Variants in WWOX observed in about 807,000 individuals in gnomAD.
WWOX encodes the protein WW domain containing oxidoreductase.
In WWOX, 69 loss-of-function variants were observed where a neutral mutation model predicts 46.2. The observed-to-expected ratio is 1.49, with a 90% CI of 1.23 to 1.82. WWOX has a LOEUF of 1.82. Among genes scored for constraint, WWOX ranks in the 40% most tolerant of loss-of-function variants. The pLI, the probability that WWOX is intolerant of heterozygous loss-of-function variation, is 0.00. For missense variants in WWOX, 919 were observed against 542.6 expected (o/e 1.69, Z -6.89); for synonymous variants, 359 against 202.6 (o/e 1.77, Z -6.56).
chr16:79,161,542 G>A (rs1446709213), intron 8 of WWOX, among the ~76,000 whole-genome samples: 1 of 152,088 alleles, frequency 6.6e-6, no homozygotes, highest in African/African-American at 2.4e-5. Context: ...ATTGTTTTCA[G>A]GACAGGGTCT....
chr16:78,539,122 C>G (rs1042132158), intron 8 of WWOX, among the ~76,000 whole-genome samples: 1 of 152,206 alleles, frequency 6.6e-6, no homozygotes, highest in South Asian at 2.1e-4. Flanking sequence ...GCCTGCCTGT[C>G]TGTAGGCCTT....
chr16:78,412,247 A>G (rs72797957), intron 6 of WWOX, among the ~76,000 whole-genome samples: 8,695 of 152,232 alleles, frequency 0.057, 310 homozygotes, highest in South Asian at 0.17. Flanking sequence ...CTGGTTTGCA[A>G]ATATCAGCCA....
At chr16:78,189,607 A>G (rs1225119810) in intron 5 of WWOX, among the ~76,000 whole-genome samples, 1 of 152,230 alleles carries the variant, frequency 6.6e-6, no homozygotes, top group Non-Finnish European at 1.5e-5. Flanking sequence ...AGTGGCTATC[A>G]TAATAATGGC....
At chr16:79,197,051 CAGT>C (rs770447355) in intron 8 of WWOX, among the ~76,000 whole-genome samples, 1 of 152,146 alleles carries the variant, frequency 6.6e-6, no homozygotes, top group Non-Finnish European at 1.5e-5. Context: ...CATATTGACC[CAGT>C]AGGAAGTATA....
chr16:78,925,642 T>G (rs1333017147), intron 8 of WWOX, among the ~76,000 whole-genome samples: 14 of 152,232 alleles, frequency 9.2e-5, no homozygotes. Context: ...TGTACAGAAC[T>G]CTTTTCCTCA....
At chr16:78,202,739 G>T (rs180741393) in intron 5 of WWOX, among the ~76,000 whole-genome samples, 16 of 151,348 alleles carry the variant, frequency 1.1e-4, no homozygotes, top group Admixed American at 7.2e-4. Context: ...TCTCTGTACT[G>T]TGTCCCCACT....
intron 4 of WWOX, among the ~76,000 whole-genome samples, chr16:78,157,996 A>T (rs1372648513): frequency 6.6e-6 from 1 of 152,224 alleles, no homozygotes; most frequent in East Asian, 1.9e-4. Flanking sequence ...TACAGAAACG[A>T]TAACTGAGTT....
chr16:78,849,174 A>T (rs1358925573), intron 8 of WWOX, among the ~76,000 whole-genome samples: 1 of 152,138 alleles, frequency 6.6e-6, no homozygotes, highest in African/African-American at 2.4e-5. Context: ...GTTCTGCCCA[A>T]ACATACAAGA....
intron 8 of WWOX, among the ~76,000 whole-genome samples, chr16:78,678,772 C>T (rs910069850): frequency 1.4e-4 from 22 of 152,248 alleles, no homozygotes; most frequent in African/African-American, 4.8e-4. Context: ...CAGATCTCTT[C>T]TTGTGCGTGG....
At position 78,537,815 on chromosome 16, in the gene WWOX, G is replaced by A. The variant is rs148254727; in HGVS notation, c.1056+105063G>A. ...AGGTAATCAGGGGTGTGCTGGGAGG[G>A]CCAGAACGATCCACCCACGTGTTGG... On this transcript the variant is annotated intron_variant, in intron 8 of 8. Coordinates refer to ENST00000566780, the MANE Select transcript of WWOX (RefSeq NM_016373.4). 6.6e-5 allele frequency among the ~76,000 whole-genome samples: 10 copies of A among 152,194 alleles called. No individual in the cohort carries two copies. In the East Asian group the frequency reaches 1.9e-3, roughly 30 times the overall value.
At chr16:78,806,087 C>T (rs2051028958) in intron 8 of WWOX, among the ~76,000 whole-genome samples, 1 of 152,142 alleles carries the variant, frequency 6.6e-6, no homozygotes, top group Non-Finnish European at 1.5e-5. Context: ...TATATAATCC[C>T]ATAAATCTAA....
chr16:78,996,920 T>C (rs1468210133), intron 8 of WWOX, among the ~76,000 whole-genome samples: 1 of 152,184 alleles, frequency 6.6e-6, no homozygotes, highest in Non-Finnish European at 1.5e-5. Flanking sequence ...GCATTTTGCT[T>C]GTTTTCAAAC....
intron 8 of WWOX, among the ~76,000 whole-genome samples, chr16:78,816,693 C>T (rs2051339547): frequency 6.6e-6 from 1 of 151,856 alleles, no homozygotes; most frequent in South Asian, 2.1e-4. Flanking sequence ...ACTTTTATGT[C>T]ACTTTAAAAT....
intron 8 of WWOX, among the ~76,000 whole-genome samples, chr16:78,635,353 A>G (rs1169812822): frequency 1.3e-5 from 2 of 151,812 alleles, no homozygotes; most frequent in Non-Finnish European, 2.9e-5. Flanking sequence ...GATCTAGGCC[A>G]CTCCCTTAGA....
At chr16:79,080,983 C>T (rs1027538203) in intron 8 of WWOX, among the ~76,000 whole-genome samples, 3 of 152,102 alleles carry the variant, frequency 2.0e-5, no homozygotes. Flanking sequence ...GATTTTTATA[C>T]CTCCAAACAC....
At chr16:78,483,014 T>A (rs2084533952) in intron 8 of WWOX, among the ~76,000 whole-genome samples, 2 of 152,248 alleles carry the variant, frequency 1.3e-5, no homozygotes, top group Admixed American at 6.5e-5. Context: ...GTCAAACATT[T>A]AGTGTGGAAT....
chr16:79,019,390 A>G (rs1205644817), intron 8 of WWOX, among the ~76,000 whole-genome samples: 1 of 152,066 alleles, frequency 6.6e-6, no homozygotes, highest in African/African-American at 2.4e-5. Flanking sequence ...AAGCTATGCA[A>G]CGTGTGATTG....
intron 8 of WWOX, among the ~76,000 whole-genome samples, chr16:78,549,779 C>T (rs540983645): frequency 6.6e-5 from 10 of 152,232 alleles, no homozygotes; most frequent in South Asian, 2.1e-4. Context: ...GTAAGATGAA[C>T]GTCTTAGATG....
intron 8 of WWOX, among the ~76,000 whole-genome samples, chr16:78,669,354 C>T (rs1294426320): frequency 6.6e-6 from 1 of 152,094 alleles, no homozygotes; most frequent in African/African-American, 2.4e-5. Context: ...GTTTTAACTC[C>T]AACTTCTTCA....
Sources: allele counts gnomAD v4.1 joint callset (sites outside exome capture counted in the v4.1 genomes callset), GRCh38; gene constraint gnomAD v4.1.1; transcripts MANE v1.5; gene names NCBI Gene and HGNC (gene_info 2026-07-23, HGNC 2026-07-21).